Variants in SLC22A23 observed in about 807,000 individuals in gnomAD.
SLC22A23 encodes the protein solute carrier family 22 member 23, also known as ion transporter protein.
Under a neutral mutation model 61.0 loss-of-function variants are expected in SLC22A23, and 26 were observed. The ratio of observed to expected loss-of-function variants is 0.43; its 90% CI spans 0.31 to 0.59. The LOEUF (loss-of-function observed/expected upper bound fraction) is 0.59, where lower values mean the gene tolerates loss of function less well. Ranked by LOEUF, SLC22A23 falls within the 20% of genes least tolerant of loss-of-function variation. The pLI is 0.11. For missense variants in SLC22A23, 796 were observed against 934.7 expected (o/e 0.85, Z 1.94); for synonymous variants, 430 against 413.9 (o/e 1.04, Z -0.47).
intron 1 of SLC22A23, among the ~76,000 whole-genome samples, chr6:3,455,016 A>G (rs1294959872): frequency 6.6e-6 from 1 of 152,240 alleles, no homozygotes; most frequent in Non-Finnish European, 1.5e-5. Flanking sequence ...GCAAAACTAC[A>G]AATGTCTTGA....
chr6:3,323,764 GC>G (rs1439841072), intron 4 of SLC22A23, 69 bp downstream of exon 4: 1 of 1,510,734 alleles, frequency 6.6e-7, no homozygotes, highest in Non-Finnish European at 8.9e-7. Flanking sequence ...TGTGTGTCCT[GC>G]CCGGGGCCGG....
chr6:3,411,469 A>T (rs750888235), intron 2 of SLC22A23, among the ~76,000 whole-genome samples: 6 of 152,172 alleles, frequency 3.9e-5, no homozygotes, highest in Admixed American at 2.6e-4. Flanking sequence ...GTTGTCCAGG[A>T]CTGGGGGGTG....
intron 3 of SLC22A23, among the ~76,000 whole-genome samples, chr6:3,399,304 A>T (rs1009875986): frequency 2.0e-5 from 3 of 152,216 alleles, no homozygotes; most frequent in African/African-American, 7.2e-5. Context: ...TAAGTCTTAC[A>T]TGGATTTTGG....
intron 5 of SLC22A23, among the ~76,000 whole-genome samples, chr6:3,293,830 G>A (rs1223779855): frequency 1.3e-5 from 2 of 152,240 alleles, no homozygotes; most frequent in African/African-American, 4.8e-5. Flanking sequence ...GGCAGGCCAG[G>A]ACAAAACCCA....
chr6:3,343,293 G>A lies in SLC22A23; in HGVS notation c.914-19291C>T, dbSNP rs559422045. On this transcript the variant is annotated intron_variant, in intron 3 of 9. Coordinates refer to ENST00000406686, the MANE Select transcript of SLC22A23 (RefSeq NM_015482.2). ...CTATTCCCAACCACACTCTTGCCTC[G>A]TAAACAAGTGCTAATCCCATTTAAC... Among the ~76,000 whole-genome samples, 13 of 152,234 alleles carry A rather than the reference G, an allele frequency of 8.5e-5. No individual in the cohort carries two copies. The East Asian group carries it at 2.3e-3, about 27-fold the overall frequency.
intron 1 of SLC22A23, among the ~76,000 whole-genome samples, chr6:3,416,237 G>C (rs192185404): frequency 2.6e-5 from 4 of 152,344 alleles, no homozygotes; most frequent in Admixed American, 2.6e-4. Context: ...AGTGCCCAGG[G>C]GCTGGGAGAC....
chr6:3,315,485 G>T (rs1363037894), intron 4 of SLC22A23, among the ~76,000 whole-genome samples: 1 of 152,212 alleles, frequency 6.6e-6, no homozygotes, highest in Non-Finnish European at 1.5e-5. Flanking sequence ...CGTGGAACTG[G>T]ACAGGACCAT....
chr6:3,310,235 G>A (rs1762275129), intron 4 of SLC22A23, among the ~76,000 whole-genome samples: 1 of 146,944 alleles, frequency 6.8e-6, no homozygotes, highest in Non-Finnish European at 1.5e-5. Flanking sequence ...TCCCACTGGA[G>A]CACCCTGTCT....
Position 3,298,097 on chromosome 6 carries a change from T to C in SLC22A23, c.1204A>G (p.Ile402Val), listed in dbSNP as rs750024810. Residue 402 changes from isoleucine to valine, a missense_variant, in exon 5 of 10, where the codon ATA becomes GTA. Ile to Val is a conservative substitution (Grantham distance 29, BLOSUM62 3). Coordinates refer to ENST00000406686, the MANE Select transcript of SLC22A23 (RefSeq NM_015482.2). ...MNPEGDIKGV[I>V]PELEKELSRR... ...CAGCCCGCGGTGTGCTCACCTGGTA[T>C]CACACCCTTGATGTCGCCCTCAGGG... The C allele has an allele frequency of 3.8e-6, 6 of 1,561,222 alleles. No homozygotes were observed. The highest frequency in any genetic ancestry group is 2.0e-5 in the Admixed American group (1 of 49,666).
chr6:3,378,818 C>A (rs957115930), intron 3 of SLC22A23, among the ~76,000 whole-genome samples: 1 of 151,842 alleles, frequency 6.6e-6, no homozygotes, highest in Non-Finnish European at 1.5e-5. Flanking sequence ...CCACCACACC[C>A]GGCTAATTTT....
rs556807945 is a variant in SLC22A23 at position 3,405,144 on chromosome 6, C to T, written c.913+5044G>A. On this transcript the variant is annotated intron_variant, in intron 3 of 9. Coordinates refer to ENST00000406686, the MANE Select transcript of SLC22A23 (RefSeq NM_015482.2). ...GATGTGGTGGTGGGTGCCTGTAATC[C>T]TAGCTACTTGGGAGGGTGAGGCAGG... Among the ~76,000 whole-genome samples, 3 of 152,000 alleles carry T rather than the reference C, an allele frequency of 2.0e-5. No homozygotes were observed. The South Asian group carries it at 6.3e-4, about 32-fold the overall frequency.
At position 3,286,758 on chromosome 6, in the gene SLC22A23, T is replaced by C. The variant is rs113051008; in HGVS notation, c.1546+101A>G. On this transcript the variant is annotated intron_variant, in intron 7 of 9. Coordinates refer to ENST00000406686, the MANE Select transcript of SLC22A23 (RefSeq NM_015482.2). The surrounding 1 kb of genome is among the most constrained non-coding windows in gnomAD (Gnocchi z 4.2). ...CAAAGCAGCTCCTTCCAGCAGTAGA[T>C]TTTAGAGTGGCCAGCGGAGTCTTAT... The C allele has an allele frequency of 1.3e-4, 134 of 1,029,418 alleles. 1 individual carries two copies. In the African/African-American group the frequency reaches 1.9e-3, roughly 14 times the overall value. 63.8% of individuals were successfully genotyped at this position (1,029,418 alleles called of 1,614,324 possible).
chr6:3,307,469 A>C (rs1306024097), intron 4 of SLC22A23, among the ~76,000 whole-genome samples: 6 of 152,250 alleles, frequency 3.9e-5, no homozygotes, highest in African/African-American at 1.4e-4. Context: ...GCCTGAACTC[A>C]ATGCAGGCAG....
intron 9 of SLC22A23, among the ~76,000 whole-genome samples, chr6:3,275,125 A>G (rs894344721): frequency 6.6e-6 from 1 of 152,224 alleles, no homozygotes; most frequent in East Asian, 1.9e-4. Flanking sequence ...GTATATATCA[A>G]TAGATCAATG....
At chr6:3,371,178 T>A (rs975671979) in intron 3 of SLC22A23, among the ~76,000 whole-genome samples, 6 of 152,250 alleles carry the variant, frequency 3.9e-5, no homozygotes, top group African/African-American at 7.2e-5. Flanking sequence ...AAATAAGACG[T>A]TGCTTTCCTC....
intron 3 of SLC22A23, among the ~76,000 whole-genome samples, chr6:3,347,394 A>G (rs1161669411): frequency 6.6e-6 from 1 of 152,044 alleles, no homozygotes; most frequent in African/African-American, 2.4e-5. Flanking sequence ...GGCTGACCTG[A>G]GCAACCAACC....
intron 3 of SLC22A23, among the ~76,000 whole-genome samples, chr6:3,357,976 A>G (rs1021609433): frequency 6.6e-6 from 1 of 152,184 alleles, no homozygotes; most frequent in African/African-American, 2.4e-5. Flanking sequence ...GGTGAGGGGA[A>G]GGGAAGAGGC....
intron 6 of SLC22A23, among the ~76,000 whole-genome samples, chr6:3,287,967 G>A (rs1234593719): frequency 1.3e-5 from 2 of 152,180 alleles, no homozygotes; most frequent in South Asian, 4.1e-4. Flanking sequence ...TTACAGGTGT[G>A]AGCCACCGCA....
chr6:3,358,495 C>A (rs1285754968), intron 3 of SLC22A23, among the ~76,000 whole-genome samples: 1 of 152,044 alleles, frequency 6.6e-6, no homozygotes, highest in Non-Finnish European at 1.5e-5. Flanking sequence ...CTACATGATT[C>A]CACTTACATG....
Sources: gnomAD v4.1 joint callset for allele counts (sites outside exome capture counted in the v4.1 genomes callset) on GRCh38, gnomAD v4.1.1 for gene constraint, Gnocchi (gnomAD v3.1) non-coding constraint, MANE v1.5 for transcripts, NCBI Gene and HGNC (gene_info 2026-07-23, HGNC 2026-07-21) for gene names.